Variants in MAF observed in about 807,000 individuals in gnomAD.
MAF encodes the protein transcription factor Maf.
Under a neutral mutation model 22.0 loss-of-function variants are expected in MAF, and 10 were observed. The observed-to-expected ratio is 0.45, with a 90% confidence interval of 0.28 to 0.77. MAF has a LOEUF of 0.77. Ranked by LOEUF, MAF falls within the 30% of genes least tolerant of loss-of-function variation. The pLI is 0.12. For synonymous variants in MAF, 337 were observed against 255.8 expected (o/e 1.32, Z -3.03); for missense variants, 544 against 548.4 (o/e 0.99, Z 0.08).
the MAF span, among the ~76,000 whole-genome samples, chr16:79,552,424 G>C: frequency 2.0e-5 from 3 of 152,088 alleles, no homozygotes; most frequent in Non-Finnish European, 2.9e-5. Context: ...GCCCCAGCTG[G>C]TCTTGAACTC....
At chr16:79,335,688 T>C in the MAF span, among the ~76,000 whole-genome samples, 1 of 152,156 alleles carries the variant, frequency 6.6e-6, no homozygotes, top group Non-Finnish European at 1.5e-5. Flanking sequence ...TGAGTTTCCA[T>C]GAAGGGCAAA....
chr16:79,314,372 T>C, the MAF span, among the ~76,000 whole-genome samples: 2 of 152,258 alleles, frequency 1.3e-5, no homozygotes, highest in East Asian at 1.9e-4. Context: ...CCAGGTTAAA[T>C]GGCTGAAACG....
the MAF span, chr16:79,211,696 G>T: frequency 6.2e-7 from 1 of 1,614,242 alleles, no homozygotes. Context: ...TGCTGCCGCT[G>T]CATGCCCTCA....
At chr16:79,258,265 A>C in the MAF span, among the ~76,000 whole-genome samples, 1 of 152,246 alleles carries the variant, frequency 6.6e-6, no homozygotes, top group East Asian at 1.9e-4. Context: ...TGCTCGTAAA[A>C]CATGTGCAAC....
the MAF span, among the ~76,000 whole-genome samples, chr16:79,437,736 A>G: frequency 6.6e-6 from 1 of 152,136 alleles, no homozygotes; most frequent in Admixed American, 6.5e-5. Flanking sequence ...CGGCCATGAC[A>G]TTCACTAAGT....
chr16:79,448,755 T>TA, the MAF span, among the ~76,000 whole-genome samples: 681 of 146,566 alleles, frequency 4.6e-3, 20 homozygotes, highest in South Asian at 0.076. Flanking sequence ...TATATACATT[T>TA]AAAAAAAAAA....
the MAF span, among the ~76,000 whole-genome samples, chr16:79,356,193 C>G: frequency 6.6e-6 from 1 of 152,196 alleles, no homozygotes; most frequent in Non-Finnish European, 1.5e-5. Context: ...CACACACACA[C>G]ACACACATGC....
At chr16:79,575,552 G>A in the MAF span, among the ~76,000 whole-genome samples, 1 of 152,190 alleles carries the variant, frequency 6.6e-6, no homozygotes, top group South Asian at 2.1e-4. Flanking sequence ...CCTCTGCTGA[G>A]GGTTTCAAAG....
the MAF span, among the ~76,000 whole-genome samples, chr16:79,354,807 T>C: frequency 2.9e-3 from 434 of 152,104 alleles, 2 homozygotes; most frequent in Non-Finnish European, 5.1e-3. Flanking sequence ...TAAAGCTGTC[T>C]CAAAAGGAAC....
chr16:79,293,400 A>C, the MAF span, among the ~76,000 whole-genome samples: 1 of 152,246 alleles, frequency 6.6e-6, no homozygotes, highest in East Asian at 1.9e-4. Flanking sequence ...AGAGAAGAGA[A>C]AATGAAACTG....
At chr16:79,332,113 G>C in the MAF span, among the ~76,000 whole-genome samples, 1 of 152,022 alleles carries the variant, frequency 6.6e-6, no homozygotes, top group East Asian at 1.9e-4. Flanking sequence ...TGTGTAGAAT[G>C]AATTGTCAGA....
the MAF span, among the ~76,000 whole-genome samples, chr16:79,326,908 G>A: frequency 8.5e-5 from 13 of 152,188 alleles, no homozygotes. Flanking sequence ...TTTCAGAAAA[G>A]AGAAACGCAG....
the MAF span, among the ~76,000 whole-genome samples, chr16:79,396,040 C>G: frequency 6.6e-6 from 1 of 152,328 alleles, no homozygotes; most frequent in African/African-American, 2.4e-5. Flanking sequence ...CTTGGAGATA[C>G]TGGTCATTTT....
the MAF span, among the ~76,000 whole-genome samples, chr16:79,296,638 T>TA: frequency 6.6e-6 from 1 of 152,006 alleles, no homozygotes; most frequent in Non-Finnish European, 1.5e-5. Flanking sequence ...TTTTTTTTTT[T>TA]ACTTCCCGGA....
At chr16:79,271,937 C>A in the MAF span, among the ~76,000 whole-genome samples, 1 of 152,168 alleles carries the variant, frequency 6.6e-6, no homozygotes, top group Non-Finnish European at 1.5e-5. Context: ...AACAGCAAAA[C>A]GGGGGCCCAC....
the MAF span, among the ~76,000 whole-genome samples, chr16:79,263,396 G>A: frequency 6.6e-6 from 1 of 152,310 alleles, no homozygotes; most frequent in South Asian, 2.1e-4. Flanking sequence ...ATCTGGAAGT[G>A]TCCTAAGAGA....
chr16:79,499,458 C>A, the MAF span, among the ~76,000 whole-genome samples: 3 of 152,184 alleles, frequency 2.0e-5, no homozygotes, highest in Admixed American at 2.0e-4. Flanking sequence ...TGGCTTCCTG[C>A]TAGGATCTGA....
chr16:79,449,035 G>C, the MAF span, among the ~76,000 whole-genome samples: 1 of 152,116 alleles, frequency 6.6e-6, no homozygotes, highest in African/African-American at 2.4e-5. Flanking sequence ...CCTCCAATGA[G>C]ACAGTCCCAT....
chr16:79,459,918 G>T, the MAF span, among the ~76,000 whole-genome samples: 1 of 152,112 alleles, frequency 6.6e-6, no homozygotes, highest in Non-Finnish European at 1.5e-5. Context: ...ATATATCTGT[G>T]AGCACTTGGA....
Sources: gnomAD v4.1 joint callset for allele counts (sites outside exome capture counted in the v4.1 genomes callset) on GRCh38, gnomAD v4.1.1 for gene constraint, MANE v1.5 for transcripts, NCBI Gene and HGNC (gene_info 2026-07-23, HGNC 2026-07-21) for gene names.